Variants in AFF3 observed in about 807,000 individuals in gnomAD.
The protein encoded by AFF3 is ALF transcription elongation factor 3.
Under a neutral mutation model 129.7 loss-of-function variants are expected in AFF3, and 32 were observed. That is an observed-to-expected ratio of 0.25 (90% CI 0.19 to 0.33). The LOEUF (loss-of-function observed/expected upper bound fraction) is 0.33, where lower values mean the gene tolerates loss of function less well. Ranked by LOEUF, AFF3 falls within the 10% of genes least tolerant of loss-of-function variation. The pLI, the probability that AFF3 is intolerant of heterozygous loss-of-function variation, is 1.00. For missense variants in AFF3, 1,373 were observed against 1,592.0 expected (o/e 0.86, Z 2.34); for synonymous variants, 644 against 635.4 (o/e 1.01, Z -0.20).
rs1217922482 is a variant in AFF3 at position 100,105,666 on chromosome 2, GCTTA to G, written c.-144-87_-144-84del. On this transcript the variant is annotated intron_variant, in intron 2 of 24. Coordinates refer to ENST00000672756, the MANE Select transcript of AFF3 (RefSeq NM_001386135.1). ...ATTGTAAAGACAGCTCTTCCCCCTGGCTTACTTTTTTAGACATGCTGAGAAGCGC... is the reference window on the plus strand; with the variant it reads ...ATTGTAAAGACAGCTCTTCCCCCTGGCTTTTTTAGACATGCTGAGAAGCGC... 5.2e-6 allele frequency: 7 copies of G among 1,346,700 alleles called. No individual in the cohort carries two copies. The African/African-American group carries it at 8.9e-5, about 17-fold the overall frequency. 83.4% of individuals were successfully genotyped at this position (1,346,700 alleles called of 1,614,324 possible).
intron 14 of AFF3, among the ~76,000 whole-genome samples, chr2:99,600,469 G>C (rs1315235941): frequency 1.3e-5 from 2 of 152,152 alleles, no homozygotes; most frequent in African/African-American, 2.4e-5. Flanking sequence ...AGCTGGACAC[G>C]GGGATGCTGA....
intron 7 of AFF3, among the ~76,000 whole-genome samples, chr2:99,952,675 T>C (rs1351503640): frequency 6.6e-6 from 1 of 152,202 alleles, no homozygotes; most frequent in Non-Finnish European, 1.5e-5. Flanking sequence ...TTAACGATAC[T>C]ATTTATGATG....
intron 7 of AFF3, among the ~76,000 whole-genome samples, chr2:99,950,970 G>T (rs1461329523): frequency 6.6e-6 from 1 of 152,134 alleles, no homozygotes; most frequent in Non-Finnish European, 1.5e-5. Flanking sequence ...ATCAAATTTG[G>T]TGTCCACAAG....
At chr2:99,986,923 G>A (rs1053525332) in intron 7 of AFF3, among the ~76,000 whole-genome samples, 2 of 152,206 alleles carry the variant, frequency 1.3e-5, no homozygotes, top group Non-Finnish European at 2.9e-5. Flanking sequence ...ACAAGTGGTG[G>A]TTGTTAATGA....
chr2:99,604,362 T>C lies in AFF3; in HGVS notation c.1185-2741A>G, dbSNP rs374479444. Among the ~76,000 whole-genome samples the C allele has an allele frequency of 4.6e-5, 7 of 152,194 alleles. No individual in the cohort carries two copies. The South Asian group carries it at 1.5e-3, about 32-fold the overall frequency. ...CTGGAGGCCATTATCTTTACCAAAC[T>C]AATGCAGGAAGAGAAAACCAAATGC... On this transcript the variant is annotated intron_variant, in intron 13 of 24. Transcript: ENST00000672756.
chr2:99,952,884 G>A (rs1057469255), intron 7 of AFF3, among the ~76,000 whole-genome samples: 3 of 152,196 alleles, frequency 2.0e-5, no homozygotes, highest in African/African-American at 7.2e-5. Context: ...GACCACAGGT[G>A]AGTTGTTGAA....
intron 10 of AFF3, among the ~76,000 whole-genome samples, chr2:99,730,833 A>C (rs75091028): frequency 0.061 from 9,266 of 152,108 alleles, 955 homozygotes; most frequent in African/African-American, 0.21. Flanking sequence ...ACATTTCTAC[A>C]CAGTTATATC....
intron 11 of AFF3, among the ~76,000 whole-genome samples, chr2:99,674,492 C>T (rs1687440385): frequency 6.6e-6 from 1 of 152,106 alleles, no homozygotes; most frequent in African/African-American, 2.4e-5. Context: ...TGAAAAAGAC[C>T]AGAGAAGGGG....
At chr2:99,898,183 C>T (rs764290594) in intron 7 of AFF3, among the ~76,000 whole-genome samples, 1 of 152,198 alleles carries the variant, frequency 6.6e-6, no homozygotes, top group Non-Finnish European at 1.5e-5. Context: ...AGTGCTCATT[C>T]CCTTCATTTC....
At chr2:99,962,908 A>C (rs996943114) in intron 7 of AFF3, among the ~76,000 whole-genome samples, 7 of 149,850 alleles carry the variant, frequency 4.7e-5, no homozygotes, top group African/African-American at 1.5e-4. Flanking sequence ...AAAATTTCTT[A>C]AATTTGGTGA....
chr2:99,556,227 T>A (rs935393549), intron 22 of AFF3, among the ~76,000 whole-genome samples: 2 of 152,086 alleles, frequency 1.3e-5, no homozygotes, highest in Admixed American at 1.3e-4. Flanking sequence ...GTGGATCACC[T>A]GAAGTCAGGA....
chr2:100,074,157 C>T (rs1688411518), intron 4 of AFF3, among the ~76,000 whole-genome samples: 1 of 152,198 alleles, frequency 6.6e-6, no homozygotes, highest in Non-Finnish European at 1.5e-5. Context: ...GCTGCCCGCT[C>T]CACTGTCTCC....
chr2:99,758,671 G>C (rs1249468019), intron 8 of AFF3, among the ~76,000 whole-genome samples: 1 of 151,152 alleles, frequency 6.6e-6, no homozygotes, highest in East Asian at 1.9e-4. Flanking sequence ...GATGATGATG[G>C]CTCCTATTAA....
At chr2:99,703,143 A>G (rs908165782) in intron 11 of AFF3, among the ~76,000 whole-genome samples, 1 of 152,228 alleles carries the variant, frequency 6.6e-6, no homozygotes, top group Non-Finnish European at 1.5e-5. Context: ...TAACATTAAG[A>G]TGATGCAGGG....
intron 8 of AFF3, among the ~76,000 whole-genome samples, chr2:99,835,779 G>T (rs1222585180): frequency 6.6e-6 from 1 of 152,170 alleles, no homozygotes; most frequent in African/African-American, 2.4e-5. Context: ...GCAGACTTCA[G>T]CCTTGCATAT....
At chr2:99,569,316 GGTGA>G (rs1676268407) in intron 18 of AFF3, among the ~76,000 whole-genome samples, 1 of 151,734 alleles carries the variant, frequency 6.6e-6, no homozygotes, top group Non-Finnish European at 1.5e-5. Flanking sequence ...GCTATATATG[GGTGA>G]GTATATTTAT....
In AFF3 at chr2:99,545,464, C is replaced by T. The variant is rs1024419020; in HGVS notation, c.*6010G>A. The stretch of plus-strand genomic sequence containing the variant: ...AATTACCCAACAGCACTCTAAAAAT[C>T]CTAAACATTGGTGCTATGTTATATC... On this transcript the variant is annotated 3_prime_UTR_variant, in exon 25 of 25. Transcript: ENST00000672756. The T allele has an allele frequency of 2.6e-5, 4 of 152,104 alleles. No homozygotes were observed. Among genetic ancestry groups the T allele is most frequent in the Non-Finnish European group, 5.9e-5 (4 of 68,016 alleles). The allele number at this position is 152,104 out of a possible 1,614,324, so 9.4% of individuals were successfully genotyped here.
intron 4 of AFF3, among the ~76,000 whole-genome samples, chr2:100,095,997 G>A (rs574110725): frequency 3.6e-4 from 54 of 152,098 alleles, no homozygotes; most frequent in African/African-American, 1.3e-3. Context: ...ATTTCTCGTA[G>A]GACACTAGGA....
intron 4 of AFF3, among the ~76,000 whole-genome samples, chr2:100,100,919 C>CA (rs1462505690): frequency 1.3e-5 from 2 of 152,232 alleles, no homozygotes; most frequent in African/African-American, 4.8e-5. Context: ...CCTGTAAACT[C>CA]ACGGAATGCC....
Sources: gnomAD v4.1 joint callset for allele counts (sites outside exome capture counted in the v4.1 genomes callset) on GRCh38, gnomAD v4.1.1 for gene constraint, MANE v1.5 for transcripts, NCBI Gene and HGNC (gene_info 2026-07-23, HGNC 2026-07-21) for gene names.